Variants in SLC30A10 observed in about 807,000 individuals in gnomAD.
The protein encoded by SLC30A10 is calcium/manganese antiporter SLC30A10.
In SLC30A10, 8 loss-of-function variants were observed where a neutral mutation model predicts 21.7. That is an observed-to-expected ratio of 0.37 (90% CI 0.22 to 0.67). The LOEUF (loss-of-function observed/expected upper bound fraction) is 0.67, where lower values mean the gene tolerates loss of function less well. Among genes scored for constraint, SLC30A10 ranks in the 30% least tolerant of loss-of-function variants. SLC30A10 has a pLI of 0.58. For missense variants in SLC30A10, 521 were observed against 642.5 expected (o/e 0.81, Z 2.04); for synonymous variants, 272 against 279.4 (o/e 0.97, Z 0.26).
At chr1:219,956,269 C>T (rs1277979546) in intron 1 of SLC30A10, among the ~76,000 whole-genome samples, 2 of 152,098 alleles carry the variant, frequency 1.3e-5, no homozygotes, top group Admixed American at 1.3e-4. Flanking sequence ...CTTCTGGGCT[C>T]AAGTGATCCT....
chr1:219,932,799 C>T (rs373628050), upstream of SLC30A10, among the ~76,000 whole-genome samples: 47 of 146,580 alleles, frequency 3.2e-4, 2 homozygotes, highest in East Asian at 3.1e-3. Flanking sequence ...AGGTGGCTCA[C>T]GCCTGTAATC....
At chr1:219,926,949 A>T in intron 2 of SLC30A10, 79 bp downstream of exon 2, 2 of 1,200,144 alleles carry the variant, frequency 1.7e-6, no homozygotes, top group Non-Finnish European at 2.4e-6. Flanking sequence ...TTGCCTTATT[A>T]AAAGTCAAAC....
intron 1 of SLC30A10, among the ~76,000 whole-genome samples, chr1:219,954,610 G>T (rs1272562116): frequency 6.9e-6 from 1 of 145,816 alleles, no homozygotes; most frequent in African/African-American, 2.5e-5. Context: ...AACCGAGGAG[G>T]CAGAGGTTGC....
At chr1:219,935,772 T>C (rs1012802478) in intron 1 of SLC30A10, among the ~76,000 whole-genome samples, 3 of 152,260 alleles carry the variant, frequency 2.0e-5, no homozygotes, top group African/African-American at 4.8e-5. Context: ...ATCTCCTTCA[T>C]AGTTATCTAG....
chr1:219,949,914 C>G (rs1300376956), intron 1 of SLC30A10, among the ~76,000 whole-genome samples: 1 of 152,092 alleles, frequency 6.6e-6, no homozygotes. Flanking sequence ...TATAATGTCT[C>G]CATCTTGTAA....
Position 219,911,149 on chromosome 1 carries a change from G to GTTTTTTTTTTTTTTTTTT in SLC30A10, c.*4282_*4299dup. ...ATGTTTCTTCATTTTTTCTACATCA[G>GTTTTTTTTTTTTTTTTTT]TTTTTTTTTTTTTTTTTTTTTTTTT... On this transcript the variant is annotated 3_prime_UTR_variant, in exon 4 of 4. Transcript: ENST00000366926. Among the ~76,000 whole-genome samples the GTTTTTTTTTTTTTTTTTT allele has an allele frequency of 2.2e-4, 11 of 49,412 alleles. No homozygotes were observed. Among genetic ancestry groups the GTTTTTTTTTTTTTTTTTT allele is most frequent in the Admixed American group, 4.7e-4 (2 of 4,266 alleles). 32.4% of individuals were successfully genotyped at this position (49,412 alleles called of 152,430 possible). A position where few individuals can be genotyped will look rare whatever the true frequency, so the allele number is the denominator to read the frequency against.
intron 1 of SLC30A10, 56 bp downstream of exon 1, chr1:219,927,745 C>A: frequency 2.1e-6 from 3 of 1,429,446 alleles, no homozygotes; most frequent in Non-Finnish European, 2.8e-6. Flanking sequence ...AGAAAGGGAC[C>A]GGGTGGGAGG....
At chr1:219,954,534 G>T (rs990886439) in intron 1 of SLC30A10, among the ~76,000 whole-genome samples, 7 of 151,852 alleles carry the variant, frequency 4.6e-5, no homozygotes, top group Admixed American at 6.6e-5. Flanking sequence ...ACAAAAATTA[G>T]CTGGGCATAG....
chr1:219,922,171 TGTGTG>T (rs1319731406), intron 2 of SLC30A10, among the ~76,000 whole-genome samples: 3 of 52,100 alleles, frequency 5.8e-5, no homozygotes, highest in Non-Finnish European at 1.0e-4. Flanking sequence ...TGTGTGTGTG[TGTGTG>T]TTTTTTTTTT....
rs534088286 is a variant in SLC30A10 at position 219,915,327 on chromosome 1, G to A, written c.*122C>T. 51 of 1,263,378 alleles carry A rather than the reference G, an allele frequency of 4.0e-5. No homozygotes were observed. The African/African-American group carries it at 7.3e-4, about 18-fold the overall frequency. The allele number at this position is 1,263,378 out of a possible 1,614,324, so 78.3% of individuals were successfully genotyped here. On this transcript the variant is annotated 3_prime_UTR_variant, in exon 4 of 4. Coordinates refer to ENST00000366926, the MANE Select transcript of SLC30A10 (RefSeq NM_018713.3). ...AAATCCCAAACAGCCAACCCCTAGT[G>A]AACACAGAGCATGCATGCTGCAAGT... is the stretch of plus-strand genomic sequence containing the variant.
chr1:219,936,063 G>T (rs1660040885), intron 1 of SLC30A10, among the ~76,000 whole-genome samples: 1 of 152,152 alleles, frequency 6.6e-6, no homozygotes, highest in Admixed American at 6.5e-5. Context: ...TCTGGACTGG[G>T]AGACACTATT....
At chr1:219,921,698 T>C (rs1287638037) in intron 2 of SLC30A10, among the ~76,000 whole-genome samples, 1 of 152,088 alleles carries the variant, frequency 6.6e-6, no homozygotes, top group East Asian at 1.9e-4. Flanking sequence ...AAACTAATTC[T>C]AGGGCCCAAA....
At chr1:219,940,461 C>A (rs1023894331) in intron 1 of SLC30A10, among the ~76,000 whole-genome samples, 4 of 152,184 alleles carry the variant, frequency 2.6e-5, no homozygotes, top group Non-Finnish European at 5.9e-5. Context: ...GCCCACTGAA[C>A]CCCTGGGTTC....
chr1:219,915,589 A>G lies in SLC30A10; in HGVS notation c.1318T>C (p.Tyr440His), dbSNP rs1273946507. The change falls in exon 4 of 4, where the codon TAC becomes CAC. Residue 440 changes from tyrosine (Y) to histidine (H), a missense_variant. Transcript: ENST00000366926. ...EHNGGPSLDT[Y>H]GSDGLSRRDA... ...CTTCTACTGAGGCCATCACTTCCGT[A>G]TGTGTCTAGAGAGGGCCCACCATTG... 7.4e-6 allele frequency: 12 copies of G among 1,614,234 alleles called. No individual in the cohort carries two copies. In the East Asian group the frequency reaches 1.8e-4, roughly 24 times the overall value.
chr1:219,941,682 C>T (rs1176944349), intron 1 of SLC30A10, among the ~76,000 whole-genome samples: 1 of 147,948 alleles, frequency 6.8e-6, no homozygotes, highest in East Asian at 1.9e-4. Context: ...CCCTTCCTTT[C>T]TCCCTTTCTC....
chr1:219,945,673 A>ATTTAT (rs1660177473), intron 1 of SLC30A10, among the ~76,000 whole-genome samples: 1 of 152,242 alleles, frequency 6.6e-6, no homozygotes, highest in Non-Finnish European at 1.5e-5. Flanking sequence ...CAAAACTAGA[A>ATTTAT]GAGATAATGT....
chr1:219,916,290 A>T (rs1186827228), intron 3 of SLC30A10, among the ~76,000 whole-genome samples: 1 of 152,226 alleles, frequency 6.6e-6, no homozygotes, highest in Non-Finnish European at 1.5e-5. Context: ...ATTTGGCAAC[A>T]TGGATCAAAA....
intron 1 of SLC30A10, among the ~76,000 whole-genome samples, chr1:219,939,693 G>T (rs1660095919): frequency 6.6e-6 from 1 of 152,306 alleles, no homozygotes; most frequent in Non-Finnish European, 1.5e-5. Flanking sequence ...CAGCCAAAGT[G>T]CTGGGATTAC....
At chr1:219,929,248 A>G (rs1218142882), upstream of SLC30A10, among the ~76,000 whole-genome samples, 1 of 152,192 alleles carries the variant, frequency 6.6e-6, no homozygotes, top group Admixed American at 6.5e-5. Context: ...CTTCGCTGTC[A>G]AGGCTTCCTT....
Sources: allele counts gnomAD v4.1 joint callset (sites outside exome capture counted in the v4.1 genomes callset), GRCh38; gene constraint gnomAD v4.1.1; transcripts MANE v1.5; gene names NCBI Gene and HGNC (gene_info 2026-07-23, HGNC 2026-07-21).